The following SH3RF1 variants were observed in gnomAD, a reference collection of about 807,000 sequenced individuals.
SH3RF1 encodes the protein SH3 domain containing ring finger 1.
Under a neutral mutation model 74.0 loss-of-function variants are expected in SH3RF1, and 32 were observed. The ratio of observed to expected loss-of-function variants is 0.43; its 90% CI spans 0.33 to 0.58. The LOEUF (loss-of-function observed/expected upper bound fraction) is 0.58, where lower values mean the gene tolerates loss of function less well. SH3RF1 is among the 20% of genes least tolerant of loss of function. The pLI is 0.05. For synonymous variants in SH3RF1, 396 were observed against 439.6 expected (o/e 0.90, Z 1.24); for missense variants, 954 against 1,130.9 (o/e 0.84, Z 2.24).
chr4:169,119,586 T>C (rs1334638412), intron 8 of SH3RF1, among the ~76,000 whole-genome samples: 1 of 152,214 alleles, frequency 6.6e-6, no homozygotes, highest in Non-Finnish European at 1.5e-5. Flanking sequence ...AGGTTCTATC[T>C]GTCATTTTCT....
At chr4:169,201,127 A>T (rs1734900280) in intron 2 of SH3RF1, among the ~76,000 whole-genome samples, 2 of 152,240 alleles carry the variant, frequency 1.3e-5, no homozygotes, top group South Asian at 4.1e-4. Context: ...AAAATTTAAA[A>T]TATACGATCA....
chr4:169,122,480 C>A (rs1395554948), intron 6 of SH3RF1, among the ~76,000 whole-genome samples: 1 of 152,054 alleles, frequency 6.6e-6, no homozygotes, highest in Non-Finnish European at 1.5e-5. Context: ...AAAGCCAAAG[C>A]AACCTTTTCA....
At chr4:169,130,212 T>C in intron 5 of SH3RF1, 56 bp from the exon 6 acceptor site, 5 of 1,207,668 alleles carry the variant, frequency 4.1e-6, no homozygotes, top group Non-Finnish European at 2.2e-6. Flanking sequence ...CAACAGAATA[T>C]ACTGGCTAAA....
At chr4:169,141,293 T>A (rs78312366) in intron 4 of SH3RF1, among the ~76,000 whole-genome samples, 17 of 152,350 alleles carry the variant, frequency 1.1e-4, no homozygotes, top group African/African-American at 4.1e-4. Flanking sequence ...CAATCCATTC[T>A]ATTCTCTCAT....
rs575042360 is a variant in SH3RF1 at position 169,116,506 on chromosome 4, C to T, written c.1902G>A (p.Ala634=). 7.4e-5 allele frequency: 119 copies of T among 1,613,362 alleles called. 1 individual carries two copies. The South Asian group carries it at 7.8e-4, about 11-fold the overall frequency. ...GCGTGGCTGAGCCTGGCATCAGAGG[C>T]GCAGGTTGTGGGGAGGCCAGCGAGT... ...SHHSLASPQP[A]PLMPGSATHT... Residue 634 remains alanine, a synonymous_variant, in exon 10 of 12, where the codon GCG becomes GCA. Coordinates refer to ENST00000284637, the MANE Select transcript of SH3RF1 (RefSeq NM_020870.4).
intron 2 of SH3RF1, among the ~76,000 whole-genome samples, chr4:169,252,286 T>A (rs78435011): frequency 6.6e-6 from 1 of 152,144 alleles, no homozygotes; most frequent in East Asian, 1.9e-4. Flanking sequence ...GGACACAGAG[T>A]TGCTAAAATA....
intron 6 of SH3RF1, among the ~76,000 whole-genome samples, chr4:169,129,027 A>G (rs1366986466): frequency 1.3e-5 from 2 of 152,204 alleles, no homozygotes; most frequent in East Asian, 1.9e-4. Context: ...CCATGGTCAT[A>G]TAACAAATAA....
At chr4:169,233,873 C>A (rs573681477) in intron 2 of SH3RF1, among the ~76,000 whole-genome samples, 1 of 152,202 alleles carries the variant, frequency 6.6e-6, no homozygotes, top group Non-Finnish European at 1.5e-5. Flanking sequence ...CCTTCCCCCA[C>A]GATTTCTCTA....
chr4:169,217,736 G>A (rs1730490274), intron 2 of SH3RF1, among the ~76,000 whole-genome samples: 1 of 152,104 alleles, frequency 6.6e-6, no homozygotes, highest in East Asian at 1.9e-4. Flanking sequence ...GTTTTAGCTG[G>A]GGAAGCTAAA....
At chr4:169,134,222 G>A (rs1204723152) in intron 5 of SH3RF1, among the ~76,000 whole-genome samples, 1 of 152,166 alleles carries the variant, frequency 6.6e-6, no homozygotes, top group Non-Finnish European at 1.5e-5. Flanking sequence ...AGGAGGGGTG[G>A]AATGGTTGAA....
At position 169,163,369 on chromosome 4, in the gene SH3RF1, G is replaced by C. The variant is rs79921444; in HGVS notation, c.394-6690C>G. 4.9e-3 allele frequency among the ~76,000 whole-genome samples: 749 copies of C among 152,132 alleles called. 2 individuals carry two copies. The highest frequency in any genetic ancestry group is 0.026 in the South Asian group (127 of 4,806). Reference sequence around the variant, plus strand: ...TGAAATACATTTGTCCCACCTCCTGGATTTTCCTCTCCTACAAGTACAGGA... The same window carrying C: ...TGAAATACATTTGTCCCACCTCCTGCATTTTCCTCTCCTACAAGTACAGGA... On this transcript the variant is annotated intron_variant, in intron 2 of 11. Coordinates refer to ENST00000284637, the MANE Select transcript of SH3RF1 (RefSeq NM_020870.4).
intron 4 of SH3RF1, among the ~76,000 whole-genome samples, chr4:169,150,074 T>G (rs1229031523): frequency 6.6e-6 from 1 of 152,216 alleles, no homozygotes; most frequent in Non-Finnish European, 1.5e-5. Flanking sequence ...GATTTCCCAT[T>G]GTTAAGGCTG....
intron 2 of SH3RF1, among the ~76,000 whole-genome samples, chr4:169,255,423 G>T (rs1579165604): frequency 6.6e-6 from 1 of 151,720 alleles, no homozygotes; most frequent in Non-Finnish European, 1.5e-5. Context: ...AGCTGCTCTA[G>T]ATATGAGCTA....
chr4:169,231,448 C>T (rs1436277962), intron 2 of SH3RF1, among the ~76,000 whole-genome samples: 1 of 152,062 alleles, frequency 6.6e-6, no homozygotes, highest in Admixed American at 6.6e-5. Context: ...TGGCTGTAAT[C>T]CCAGCTACTC....
At chr4:169,185,123 T>G (rs1734581603) in intron 2 of SH3RF1, among the ~76,000 whole-genome samples, 1 of 152,242 alleles carries the variant, frequency 6.6e-6, no homozygotes, top group Admixed American at 6.5e-5. Context: ...ACCTAAAAAC[T>G]GTTGTTCTTT....
chr4:169,177,193 A>G (rs536650242), intron 2 of SH3RF1, among the ~76,000 whole-genome samples: 17 of 152,250 alleles, frequency 1.1e-4, no homozygotes, highest in Non-Finnish European at 1.3e-4. Context: ...AAGGGATGGT[A>G]TGGCATCCTG....
intron 2 of SH3RF1, among the ~76,000 whole-genome samples, chr4:169,163,544 T>C (rs927289317): frequency 1.3e-5 from 2 of 152,160 alleles, no homozygotes; most frequent in African/African-American, 2.4e-5. Flanking sequence ...ACCAGCAAAC[T>C]ATAACCACAG....
rs1405873265 is a variant in SH3RF1 at position 169,158,314 on chromosome 4, G to A, written c.394-1635C>T. On this transcript the variant is annotated intron_variant, in intron 2 of 11. Transcript: ENST00000284637. ...AAGGTTGGAGTGAATGAATGAAAGA[G>A]AACAGTAAGGGCATTCCAGGCAGAG... 2.0e-5 allele frequency among the ~76,000 whole-genome samples: 3 copies of A among 152,164 alleles called. No individual in the cohort carries two copies. The East Asian group carries it at 5.8e-4, about 29-fold the overall frequency.
At chr4:169,116,768 G>T (rs1004154798) in intron 9 of SH3RF1, 138 bp from the exon 10 acceptor site, 24 of 1,209,086 alleles carry the variant, frequency 2.0e-5, no homozygotes, top group Non-Finnish European at 2.4e-5. Flanking sequence ...TGGGATGGAC[G>T]GTGGCCTAAA....
Sources: gnomAD v4.1 joint callset for allele counts (sites outside exome capture counted in the v4.1 genomes callset) on GRCh38, gnomAD v4.1.1 for gene constraint, MANE v1.5 for transcripts, NCBI Gene and HGNC (gene_info 2026-07-23, HGNC 2026-07-21) for gene names.